The following PCCA variants were observed in gnomAD, a reference collection of about 807,000 sequenced individuals.
PCCA encodes propionyl-CoA carboxylase subunit alpha, also known as propionyl-CoA carboxylase alpha chain, mitochondrial.
A neutral mutation model predicts 101.3 loss-of-function variants in PCCA; 74 were observed. That is an observed-to-expected ratio of 0.73 (90% CI 0.61 to 0.89). The LOEUF (loss-of-function observed/expected upper bound fraction) is 0.89. Among genes scored for constraint, PCCA ranks in the 40% least tolerant of loss-of-function variants. The pLI is 0.00. For missense variants in PCCA, 891 were observed against 907.0 expected, an observed-to-expected ratio of 0.98 and a Z score of 0.23; for synonymous variants, 294 against 313.6, an observed-to-expected ratio of 0.94 and a Z score of 0.66.
intron 12 of PCCA, among the ~76,000 whole-genome samples, chr13:100,281,564 A>G (rs1002842027): frequency 1.3e-5 from 2 of 152,148 alleles, no homozygotes; most frequent in Admixed American, 1.3e-4. Context: ...TTGAATGGTA[A>G]TACTCAGAAT....
At chr13:100,488,630 TTTGTTTTTTTTTTG>T (rs1417290227) in intron 21 of PCCA, among the ~76,000 whole-genome samples, 30 of 66,166 alleles carry the variant, frequency 4.5e-4, no homozygotes, top group South Asian at 2.1e-3. Flanking sequence ...GTTTTTTTGT[TTTGTTTTTTTTTTG>T]TTTTTTTTTT....
Position 100,452,259 on chromosome 13 carries a change from C to T in PCCA, c.1899+2954C>T, listed in dbSNP as rs191323025. Reference sequence around the variant, plus strand: ...CTGTCTCTCCCTGTCTCCCTCTCCCCTGTCTCTGTCTCTGTGTCCCCACGC... The same window carrying T: ...CTGTCTCTCCCTGTCTCCCTCTCCCTTGTCTCTGTCTCTGTGTCCCCACGC... On this transcript the variant is annotated intron_variant, in intron 21 of 23. Transcript: ENST00000376285. Among the ~76,000 whole-genome samples, 416 of 151,840 alleles carry T rather than the reference C, an allele frequency of 2.7e-3. 2 individuals carry two copies. Among genetic ancestry groups the T allele is most frequent in the African/African-American group, 9.2e-3 (380 of 41,382 alleles).
At chr13:100,276,780 C>G (rs929151065) in intron 12 of PCCA, among the ~76,000 whole-genome samples, 1 of 151,656 alleles carries the variant, frequency 6.6e-6, no homozygotes, top group Admixed American at 6.6e-5. Context: ...CTTTTCTTGT[C>G]TCCTATTTGA....
At position 100,405,164 on chromosome 13, in the gene PCCA, G is replaced by A. The variant is rs538705753; in HGVS notation, c.1747-20469G>A. On this transcript the variant is annotated intron_variant, in intron 19 of 23. Transcript: ENST00000376285. The stretch of plus-strand genomic sequence containing the variant: ...ATGCTTGCTAGGATTTGGGTGCATG[G>A]TGCTTGGCTTTGGTTCACTCCCTTG... 2.0e-5 allele frequency among the ~76,000 whole-genome samples: 3 copies of A among 152,300 alleles called. No individual in the cohort carries two copies. The South Asian group carries it at 6.2e-4, about 32-fold the overall frequency.
chr13:100,238,762 G>C (rs779955573), intron 8 of PCCA, among the ~76,000 whole-genome samples: 7 of 152,066 alleles, frequency 4.6e-5, no homozygotes, highest in Non-Finnish European at 1.0e-4. Context: ...TTGGCTTTCT[G>C]TGTTGTTTGA....
chr13:100,370,523 C>A (rs557018439), intron 19 of PCCA, among the ~76,000 whole-genome samples: 1 of 152,036 alleles, frequency 6.6e-6, no homozygotes. Context: ...TAAAACACAT[C>A]AAAATTAGTG....
intron 9 of PCCA, among the ~76,000 whole-genome samples, chr13:100,259,571 G>A (rs1001545547): frequency 3.3e-5 from 5 of 151,964 alleles, no homozygotes; most frequent in Admixed American, 6.6e-5. Context: ...TTGACATCAT[G>A]ATCTGCCTGC....
intron 21 of PCCA, among the ~76,000 whole-genome samples, chr13:100,487,081 A>T (rs2084438714): frequency 6.6e-6 from 1 of 152,214 alleles, no homozygotes; most frequent in African/African-American, 2.4e-5. Flanking sequence ...AAATACACCA[A>T]GGTAAAGGAG....
At chr13:100,232,355 T>C (rs1289246316) in intron 7 of PCCA, among the ~76,000 whole-genome samples, 1 of 143,528 alleles carries the variant, frequency 7.0e-6, no homozygotes, top group African/African-American at 2.7e-5. Context: ...TGTATGCGTG[T>C]GTGTGTGTGT....
chr13:100,308,088 C>G (rs898779351), intron 15 of PCCA, among the ~76,000 whole-genome samples: 10 of 152,210 alleles, frequency 6.6e-5, no homozygotes, highest in African/African-American at 2.4e-4. Context: ...CTCCTGACCT[C>G]GTGATCCGCC....
chr13:100,292,408 A>T (rs538109477), intron 12 of PCCA, among the ~76,000 whole-genome samples: 1 of 152,352 alleles, frequency 6.6e-6, no homozygotes, highest in Admixed American at 6.5e-5. Context: ...TAGTAAAATG[A>T]CATTAATTAT....
At chr13:100,391,219 T>C (rs773109734) in intron 19 of PCCA, among the ~76,000 whole-genome samples, 1 of 152,156 alleles carries the variant, frequency 6.6e-6, no homozygotes, top group East Asian at 1.9e-4. Context: ...AGTTTCACCA[T>C]GTTGGCCAGG....
chr13:100,343,862 G>A (rs906751699), intron 18 of PCCA, among the ~76,000 whole-genome samples: 5 of 152,212 alleles, frequency 3.3e-5, no homozygotes, highest in African/African-American at 1.2e-4. Flanking sequence ...ATCACATGAG[G>A]CCAGGAGTTC....
intron 7 of PCCA, among the ~76,000 whole-genome samples, chr13:100,225,902 G>A (rs1337898865): frequency 1.3e-5 from 2 of 151,970 alleles, no homozygotes; most frequent in Admixed American, 6.6e-5. Flanking sequence ...AGTGATTCTT[G>A]TGCCTCAGCC....
chr13:100,142,906 T>TG (rs553095902), intron 4 of PCCA, among the ~76,000 whole-genome samples: 41 of 152,342 alleles, frequency 2.7e-4, no homozygotes, highest in Middle Eastern at 6.8e-3. Flanking sequence ...TCAGGCTCCC[T>TG]GTGTATGACA....
At chr13:100,174,817 T>G (rs2056085286) in intron 6 of PCCA, among the ~76,000 whole-genome samples, 1 of 151,990 alleles carries the variant, frequency 6.6e-6, no homozygotes, top group Non-Finnish European at 1.5e-5. Context: ...GTGCTTGTAT[T>G]ATGAGTATTA....
intron 7 of PCCA, among the ~76,000 whole-genome samples, chr13:100,219,632 T>TA (rs1218983979): frequency 6.6e-6 from 1 of 152,214 alleles, no homozygotes; most frequent in African/African-American, 2.4e-5. Flanking sequence ...TTAAGGTAAA[T>TA]ATACTGCCAC....
chr13:100,303,206 G>C (rs2066198987), intron 14 of PCCA, among the ~76,000 whole-genome samples: 1 of 152,016 alleles, frequency 6.6e-6, no homozygotes, highest in Non-Finnish European at 1.5e-5. Flanking sequence ...GGAAGCCTGG[G>C]GACATCTGAT....
chr13:100,440,185 TATATATATATATATATATATATATAA>T (rs1325145341), intron 20 of PCCA, among the ~76,000 whole-genome samples: 1,627 of 101,780 alleles, frequency 0.016, 49 homozygotes, highest in African/African-American at 0.065. Context: ...TATATATATA[TATATATATATATATATATATATATAA>T]AACGTGATAA....
Sources: gnomAD v4.1 joint callset for allele counts (sites outside exome capture counted in the v4.1 genomes callset) on GRCh38, gnomAD v4.1.1 for gene constraint, MANE v1.5 for transcripts, NCBI Gene and HGNC (gene_info 2026-07-23, HGNC 2026-07-21) for gene names.